Variants in TENM3 observed in about 807,000 individuals in gnomAD.
TENM3 encodes the protein teneurin-3.
In TENM3, 63 loss-of-function variants were observed where a neutral mutation model predicts 255.1. The ratio of observed to expected loss-of-function variants is 0.25; its 90% CI spans 0.20 to 0.30. The LOEUF (loss-of-function observed/expected upper bound fraction) is 0.30. TENM3 is among the 10% of genes least tolerant of loss of function. TENM3 has a pLI of 1.00. For synonymous variants in TENM3, 1,306 were observed against 1,322.3 expected (o/e 0.99, Z 0.27); for missense variants, 2,929 against 3,461.1 (o/e 0.85, Z 3.86).
At chr4:182,129,479 T>C in the TENM3 span, among the ~76,000 whole-genome samples, 1 of 152,150 alleles carries the variant, frequency 6.6e-6, no homozygotes, top group Non-Finnish European at 1.5e-5. Context: ...TTACAAAGCA[T>C]AGTAACTGAA....
chr4:182,127,938 A>C, the TENM3 span, among the ~76,000 whole-genome samples: 1 of 152,192 alleles, frequency 6.6e-6, no homozygotes, highest in South Asian at 2.1e-4. Flanking sequence ...ATTAAATATA[A>C]ATTCAGCAGG....
chr4:182,574,439 T>A (rs1163983501), intron 3 of TENM3, among the ~76,000 whole-genome samples: 2 of 152,144 alleles, frequency 1.3e-5, no homozygotes, highest in Non-Finnish European at 2.9e-5. Context: ...TAAATTGTAT[T>A]TATGAAACTT....
intron 12 of TENM3, among the ~76,000 whole-genome samples, chr4:182,702,454 C>T (rs892641885): frequency 1.3e-5 from 2 of 152,142 alleles, no homozygotes; most frequent in East Asian, 3.9e-4. Flanking sequence ...TCTTCATAGT[C>T]ACTTAAAAAA....
intron 1 of TENM3, among the ~76,000 whole-genome samples, chr4:182,213,995 G>T (rs1344333039): frequency 6.6e-6 from 1 of 152,090 alleles, no homozygotes; most frequent in Admixed American, 6.5e-5. Context: ...TAGAGACGGG[G>T]TTTCACTTGT....
chr4:181,919,466 C>T, the TENM3 span, among the ~76,000 whole-genome samples: 3 of 151,386 alleles, frequency 2.0e-5, no homozygotes, highest in East Asian at 1.9e-4. Context: ...CTGAATTCAG[C>T]TTTTTAAAGC....
intron 3 of TENM3, among the ~76,000 whole-genome samples, chr4:182,381,531 T>G (rs2150923125): frequency 6.6e-6 from 1 of 152,034 alleles, no homozygotes. Flanking sequence ...AGCTGTTCTT[T>G]TCTTTTCCTC....
intron 3 of TENM3, among the ~76,000 whole-genome samples, chr4:182,436,751 C>A (rs1452273977): frequency 6.6e-6 from 1 of 151,398 alleles, no homozygotes; most frequent in Non-Finnish European, 1.5e-5. Flanking sequence ...GGCATGGTGG[C>A]TCACACCTGT....
chr4:182,343,777 A>G (rs1243483922), intron 2 of TENM3, among the ~76,000 whole-genome samples: 4 of 152,194 alleles, frequency 2.6e-5, no homozygotes, highest in African/African-American at 9.6e-5. Context: ...ATTGCAAGAA[A>G]TAATCGAATA....
the TENM3 span, among the ~76,000 whole-genome samples, chr4:181,621,634 A>G: frequency 6.6e-6 from 1 of 152,200 alleles, no homozygotes; most frequent in Non-Finnish European, 1.5e-5. Flanking sequence ...CAAAAAAATC[A>G]TTTAATATAT....
the TENM3 span, among the ~76,000 whole-genome samples, chr4:182,002,246 C>G: frequency 1.3e-5 from 2 of 152,032 alleles, no homozygotes; most frequent in Admixed American, 1.3e-4. Context: ...ATTTATTGGT[C>G]TTTCACTAGC....
chr4:182,453,684 T>C (rs1773656525), intron 3 of TENM3, among the ~76,000 whole-genome samples: 1 of 152,166 alleles, frequency 6.6e-6, no homozygotes, highest in Non-Finnish European at 1.5e-5. Flanking sequence ...CACAGTGCCT[T>C]TTTTTCCTTA....
the TENM3 span, among the ~76,000 whole-genome samples, chr4:181,861,450 G>A: frequency 1.3e-5 from 2 of 152,158 alleles, no homozygotes; most frequent in South Asian, 4.1e-4. Flanking sequence ...AAAAATATAA[G>A]GATCTCAAGA....
At chr4:182,585,097 A>G (rs536327716) in intron 3 of TENM3, among the ~76,000 whole-genome samples, 1 of 152,368 alleles carries the variant, frequency 6.6e-6, no homozygotes, top group East Asian at 1.9e-4. Context: ...TGAATAATTA[A>G]GAAAAGCCTG....
At chr4:182,097,633 G>A in the TENM3 span, among the ~76,000 whole-genome samples, 1 of 152,134 alleles carries the variant, frequency 6.6e-6, no homozygotes, top group Non-Finnish European at 1.5e-5. Flanking sequence ...AATAGAATAA[G>A]GCCCTTCTCT....
At chr4:181,875,419 C>CT in the TENM3 span, among the ~76,000 whole-genome samples, 3 of 49,642 alleles carry the variant, frequency 6.0e-5, no homozygotes, top group East Asian at 2.5e-4. Flanking sequence ...CTTTAGGAAC[C>CT]TATTTTTTTT....
intron 1 of TENM3, among the ~76,000 whole-genome samples, chr4:182,225,258 T>C (rs1024215723): frequency 6.6e-6 from 1 of 152,180 alleles, no homozygotes; most frequent in Non-Finnish European, 1.5e-5. Flanking sequence ...AGGATATATC[T>C]AGCAGTTAAG....
At chr4:182,256,471 T>C (rs940172799) in intron 1 of TENM3, among the ~76,000 whole-genome samples, 1 of 152,230 alleles carries the variant, frequency 6.6e-6, no homozygotes, top group Admixed American at 6.5e-5. Context: ...GTACATTTGC[T>C]GCTATATCCT....
At chr4:182,253,823 C>G (rs931801398) in intron 1 of TENM3, among the ~76,000 whole-genome samples, 2 of 152,052 alleles carry the variant, frequency 1.3e-5, no homozygotes, top group Non-Finnish European at 2.9e-5. Context: ...ACATTTGCCT[C>G]TAAATCGAGA....
At chr4:182,604,150 A>G (rs1042593378) in intron 4 of TENM3, among the ~76,000 whole-genome samples, 3 of 152,104 alleles carry the variant, frequency 2.0e-5, no homozygotes, top group African/African-American at 4.8e-5. Flanking sequence ...TCCTTTCTCT[A>G]ATGAATTTAA....
Sources: allele counts gnomAD v4.1 joint callset (sites outside exome capture counted in the v4.1 genomes callset), GRCh38; gene constraint gnomAD v4.1.1; transcripts MANE v1.5; gene names NCBI Gene and HGNC (gene_info 2026-07-23, HGNC 2026-07-21).